The following CDC42BPA variants were observed in gnomAD, a reference collection of about 807,000 sequenced individuals.
CDC42BPA encodes serine/threonine-protein kinase MRCK alpha.
A neutral mutation model predicts 223.5 loss-of-function variants in CDC42BPA; 80 were observed. That is an observed-to-expected ratio of 0.36 (90% CI 0.30 to 0.43). The LOEUF (loss-of-function observed/expected upper bound fraction) is 0.43. CDC42BPA is among the 20% of genes least tolerant of loss of function. CDC42BPA has a pLI of 1.00. For synonymous variants in CDC42BPA, 694 were observed against 718.6 expected (o/e 0.97, Z 0.55); for missense variants, 1,743 against 2,099.9 (o/e 0.83, Z 3.32).
chr1:227,097,536 C>T (rs1348296411), intron 15 of CDC42BPA, among the ~76,000 whole-genome samples: 1 of 152,128 alleles, frequency 6.6e-6, no homozygotes, highest in Non-Finnish European at 1.5e-5. Context: ...GGTTGTTAAA[C>T]TGTCTCTCTA....
In CDC42BPA at chr1:227,129,714, T is replaced by TATATATATATATATATATATATACAC. The variant is rs140091366; in HGVS notation, c.1391-484_1391-483insGTGTATATATATATATATATATATAT. Among the ~76,000 whole-genome samples, 6 of 105,802 alleles carry TATATATATATATATATATATATACAC rather than the reference T, an allele frequency of 5.7e-5. 1 individual carries two copies. The highest frequency in any genetic ancestry group is 3.0e-4 in the Admixed American group (3 of 9,882). The allele number at this position is 105,802 out of a possible 152,430, so 69.4% of individuals were successfully genotyped here. ...AAAAAATCCACTGCATATATATATA[T>TATATATATATATATATATATATACAC]ACAAAAGAATCCACCTTCTAATAAT... On this transcript the variant is annotated intron_variant, in intron 10 of 36. Transcript: ENST00000366766.
At chr1:227,051,796 GGA>G in intron 22 of CDC42BPA, 83 bp downstream of exon 22, 1 of 697,270 alleles carries the variant, frequency 1.4e-6, no homozygotes. Flanking sequence ...TTGGTTAAGA[GGA>G]GAGAGACAGA....
At chr1:227,059,249 A>C in intron 21 of CDC42BPA, 2 of 775,634 alleles carry the variant, frequency 2.6e-6, no homozygotes. Flanking sequence ...GCAGCAGCAC[A>C]AAGCATGCAA....
intron 14 of CDC42BPA, among the ~76,000 whole-genome samples, chr1:227,111,398 T>G (rs1303291534): frequency 9.8e-5 from 15 of 152,350 alleles, no homozygotes; most frequent in African/African-American, 3.4e-4. Context: ...TACTGAACAC[T>G]TATAATGTGT....
At chr1:227,043,285 C>T (rs996401214) in intron 23 of CDC42BPA, among the ~76,000 whole-genome samples, 4 of 151,874 alleles carry the variant, frequency 2.6e-5, no homozygotes, top group East Asian at 1.9e-4. Flanking sequence ...TGGTGGCATG[C>T]GCCTATAGTC....
At chr1:227,110,255 T>C (rs969150504) in intron 14 of CDC42BPA, among the ~76,000 whole-genome samples, 1 of 152,210 alleles carries the variant, frequency 6.6e-6, no homozygotes, top group Non-Finnish European at 1.5e-5. Context: ...GTATTCTCAA[T>C]GAAGTGAAGA....
At chr1:227,135,428 T>C (rs571082304) in intron 10 of CDC42BPA, among the ~76,000 whole-genome samples, 58 of 152,108 alleles carry the variant, frequency 3.8e-4, no homozygotes, top group Non-Finnish European at 7.4e-4. Flanking sequence ...GGAAATGGTA[T>C]AGGGCAGAAG....
At chr1:227,151,403 C>T (rs1342637456) in intron 6 of CDC42BPA, among the ~76,000 whole-genome samples, 1 of 152,194 alleles carries the variant, frequency 6.6e-6, no homozygotes, top group East Asian at 1.9e-4. Flanking sequence ...ATTCATCTGT[C>T]ACCCTTTGGC....
intron 11 of CDC42BPA, among the ~76,000 whole-genome samples, chr1:227,123,706 T>C (rs925797976): frequency 2.0e-5 from 3 of 152,234 alleles, no homozygotes; most frequent in African/African-American, 4.8e-5. Flanking sequence ...AACATCTCCC[T>C]GATCCACAAG....
Position 227,112,436 on chromosome 1 carries a change from T to A in CDC42BPA, c.1891-14A>T. The A allele has an allele frequency of 6.5e-7, 1 of 1,532,556 alleles. No individual in the cohort carries two copies. The highest frequency in any genetic ancestry group is 8.8e-7 in the Non-Finnish European group (1 of 1,130,068). The allele number at this position is 1,532,556 out of a possible 1,614,324, so 94.9% of individuals were successfully genotyped here. ...ATGAACTTCCAGCTTTAAAACAGAATGAAAAATGCAGATTTCACGGTTATA... is the reference window on the plus strand; with the variant it reads ...ATGAACTTCCAGCTTTAAAACAGAAAGAAAAATGCAGATTTCACGGTTATA... On this transcript the variant is annotated splice_polypyrimidine_tract_variant and intron_variant, in intron 13 of 36. Transcript: ENST00000366766.
At chr1:227,028,152 T>C (rs1219140825) in intron 30 of CDC42BPA, among the ~76,000 whole-genome samples, 2 of 152,066 alleles carry the variant, frequency 1.3e-5, no homozygotes, top group Non-Finnish European at 2.9e-5. Flanking sequence ...AATAATTTAT[T>C]ATGTCTTAAT....
At chr1:227,003,706 A>G (rs1164054814) in intron 35 of CDC42BPA, among the ~76,000 whole-genome samples, 1 of 152,218 alleles carries the variant, frequency 6.6e-6, no homozygotes, top group Non-Finnish European at 1.5e-5. Flanking sequence ...GCTCCGCGAC[A>G]GTAGCTGAAC....
At chr1:227,017,805 A>G (rs1370657078) in intron 32 of CDC42BPA, among the ~76,000 whole-genome samples, 6 of 152,266 alleles carry the variant, frequency 3.9e-5, no homozygotes, top group Admixed American at 6.5e-5. Context: ...CTGTATCCAT[A>G]TAACACAACA....
chr1:227,294,187 G>C (rs1690198927), intron 1 of CDC42BPA, among the ~76,000 whole-genome samples: 1 of 151,694 alleles, frequency 6.6e-6, no homozygotes, highest in African/African-American at 2.4e-5. Flanking sequence ...CGGGAGAATG[G>C]CATGAACCCG....
intron 2 of CDC42BPA, chr1:227,235,005 A>G (rs1678736993): frequency 6.6e-6 from 1 of 152,154 alleles, no homozygotes; most frequent in African/African-American, 2.4e-5. Flanking sequence ...GGCCCAAGGA[A>G]GCCAAAAGAT....
chr1:227,220,311 T>TATATATATATATATATATATATATATAC (rs1210485137), intron 2 of CDC42BPA, among the ~76,000 whole-genome samples: 1 of 49,534 alleles, frequency 2.0e-5, no homozygotes, highest in African/African-American at 7.1e-5. Context: ...TATATATATA[T>TATATATATATATATATATATATATATAC]ACACACACAC....
At chr1:227,098,719 G>A (rs1165885456) in intron 15 of CDC42BPA, among the ~76,000 whole-genome samples, 1 of 151,278 alleles carries the variant, frequency 6.6e-6, no homozygotes, top group Non-Finnish European at 1.5e-5. Context: ...CACTACTCTA[G>A]GCCAAAGCCA....
intron 5 of CDC42BPA, among the ~76,000 whole-genome samples, chr1:227,161,146 A>G (rs1456923256): frequency 6.6e-6 from 1 of 152,190 alleles, no homozygotes; most frequent in Admixed American, 6.5e-5. Context: ...ACTGCCTAAT[A>G]GACTGTCTAT....
intron 1 of CDC42BPA, among the ~76,000 whole-genome samples, chr1:227,289,652 G>T (rs1689363539): frequency 2.6e-5 from 4 of 152,120 alleles, no homozygotes; most frequent in Admixed American, 2.6e-4. Flanking sequence ...TTTTATGTCT[G>T]TCACATAGGA....
Sources: allele counts gnomAD v4.1 joint callset (sites outside exome capture counted in the v4.1 genomes callset), GRCh38; gene constraint gnomAD v4.1.1; transcripts MANE v1.5; gene names NCBI Gene and HGNC (gene_info 2026-07-23, HGNC 2026-07-21).